The following NISCH variants were observed in gnomAD, a reference collection of about 807,000 sequenced individuals.
NISCH encodes the protein nischarin, also known as I-1 receptor candidate protein.
Under a neutral mutation model 138.4 loss-of-function variants are expected in NISCH, and 55 were observed. The ratio of observed to expected loss-of-function variants is 0.40; its 90% CI spans 0.32 to 0.50. NISCH has a LOEUF of 0.50. NISCH is among the 20% of genes least tolerant of loss of function. The probability of loss-of-function intolerance (pLI) is 0.71; values close to 1 mark genes in which losing one functional copy is unlikely to be tolerated. For synonymous variants in NISCH, 860 were observed against 861.5 expected (o/e 1.00, Z 0.03); for missense variants, 1,643 against 2,005.5 (o/e 0.82, Z 3.45).
chr3:52,481,562 A>G (rs778426004), intron 13 of NISCH: 11 of 985,452 alleles, frequency 1.1e-5, no homozygotes, highest in Non-Finnish European at 1.3e-5. Flanking sequence ...GTACCATATG[A>G]CTGTAGGCCT....
intron 3 of NISCH, among the ~76,000 whole-genome samples, chr3:52,464,402 A>G (rs1706721589): frequency 6.6e-6 from 1 of 151,134 alleles, no homozygotes; most frequent in African/African-American, 2.4e-5. Flanking sequence ...CTAAAAAAAC[A>G]AAAAAAACAA....
At chr3:52,490,337 C>T (rs1286299677) in intron 18 of NISCH, 106 bp downstream of exon 18, 40 of 1,310,912 alleles carry the variant, frequency 3.1e-5, no homozygotes, top group Middle Eastern at 2.6e-4. Context: ...CAGCAGTCAG[C>T]GACTTGGCTG....
intron 13 of NISCH, 51 bp from the exon 14 acceptor site, chr3:52,484,462 T>TTGGCGCCCCCC: frequency 2.5e-6 from 2 of 788,670 alleles, no homozygotes; most frequent in Non-Finnish European, 3.7e-6. Flanking sequence ...ACAGCCGCTC[T>TTGGCGCCCCCC]CCCCGCCCCA....
rs1225692425 is a variant in NISCH, at chr3:52,489,553, C to T, written c.3331C>T (p.Leu1111Phe). The T allele has an allele frequency of 6.2e-7, 1 of 1,613,278 alleles. No individual in the cohort carries two copies. Residue 1111 changes from leucine (L) to phenylalanine (F), a missense_variant, in exon 17 of 21, where the codon CTC becomes TTC. By Grantham distance (22) the Leu-to-Phe change is conservative (BLOSUM62 0). Transcript: ENST00000345716. ...CCCTGCCCAGTACCCGAGTGAGCAC[C>T]TCATCCAGGCCACCTCGGAGGAGAA... ...EAPAQYPSEH[L>F]IQATSEENQI...
In NISCH at chr3:52,487,710, G is replaced by A. The variant is rs757992102; in HGVS notation, c.2218G>A (p.Glu740Lys). 13 of 1,613,520 alleles carry A rather than the reference G, an allele frequency of 8.1e-6. No homozygotes were observed. Among genetic ancestry groups the A allele is most frequent in the Admixed American group, 1.7e-5 (1 of 59,978 alleles). Residue 740 changes from glutamate (E) to lysine (K), a missense_variant, in exon 16 of 21, where the codon GAG (glutamate) becomes AAG (lysine). By Grantham distance (56) the Glu-to-Lys change is moderately conservative (BLOSUM62 1). Transcript: ENST00000345716. This position sits in a 1 kb window ranked among gnomAD's most constrained non-coding sequence, Gnocchi z 9.1. ...CACCGACTTCGGCATCGCAGTCTTC[G>A]AGATCCCGCACCAGGAGTCTCGGGG... ...VLTDFGIAVF[E>K]IPHQESRGSS...
rs1233936985 is a variant in NISCH at position 52,485,644 on chromosome 3, G to A, written c.1654-134G>A. ...CCAGGGTCCCAGAGTGGGCTCCAGG[G>A]TACAGCGTGGGGATGGGGAGCCTCC... is the stretch of plus-strand genomic sequence containing the variant. On this transcript the variant is annotated intron_variant, in intron 14 of 20. Transcript: ENST00000345716. 3 of 967,022 alleles carry A rather than the reference G, an allele frequency of 3.1e-6. No homozygotes were observed. In the Admixed American group the frequency reaches 6.3e-5, roughly 20 times the overall value. 59.9% of individuals were successfully genotyped at this position (967,022 alleles called of 1,614,324 possible).
chr3:52,484,411 C>T (rs1399813845), intron 13 of NISCH, 102 bp from the exon 14 acceptor site: 13 of 1,171,612 alleles, frequency 1.1e-5, no homozygotes, highest in Middle Eastern at 2.9e-4. Flanking sequence ...GGCTAACCCC[C>T]GCCATGCCAG....
chr3:52,476,385 G>A (rs1402634270), intron 7 of NISCH, 62 bp from the exon 8 acceptor site: 1 of 1,582,486 alleles, frequency 6.3e-7, no homozygotes, highest in East Asian at 2.2e-5. Context: ...CAACGACTGT[G>A]TTCCCAGTGA....
intron 7 of NISCH, among the ~76,000 whole-genome samples, chr3:52,474,458 A>G (rs11928763): frequency 0.96 from 145,228 of 151,460 alleles, 69,669 homozygotes; most frequent in African/African-American, 0.99. Flanking sequence ...CACCACACCC[A>G]GCTAATTTTT....
chr3:52,484,462 T>TTGGCCCGCCCC, intron 13 of NISCH, 51 bp from the exon 14 acceptor site: 1 of 788,670 alleles, frequency 1.3e-6, no homozygotes, highest in Non-Finnish European at 1.8e-6. Flanking sequence ...ACAGCCGCTC[T>TTGGCCCGCCCC]CCCCGCCCCA....
chr3:52,465,142 T>G (rs527651040), intron 3 of NISCH, among the ~76,000 whole-genome samples: 2 of 152,332 alleles, frequency 1.3e-5, no homozygotes, highest in East Asian at 1.9e-4. Flanking sequence ...ATTTTGTTTG[T>G]TTTTTGAGAC....
Position 52,491,388 on chromosome 3 carries a change from G to A in NISCH, c.3779G>A (p.Arg1260Gln). 3.1e-6 allele frequency: 5 copies of A among 1,613,086 alleles called. No homozygotes were observed. The highest frequency in any genetic ancestry group is 3.3e-5 in the Admixed American group (2 of 59,990). ...TPMQVVTCLT[R>Q]DSYLTHCFLQ... Reference sequence around the variant, plus strand: ...ATGCAGGTGGTCACGTGCTTGACGCGGGACAGCTACCTGACGCACTGCTTC... The same window carrying A: ...ATGCAGGTGGTCACGTGCTTGACGCAGGACAGCTACCTGACGCACTGCTTC... The change falls in exon 20 of 21, where the codon CGG (arginine) becomes CAG (glutamine). Residue 1260 changes from arginine to glutamine, a missense_variant. Physicochemically the swap from Arg to Gln is conservative, Grantham distance 43. Transcript: ENST00000345716.
At chr3:52,476,284 C>T (rs1044162436) in intron 7 of NISCH, 163 bp from the exon 8 acceptor site, 1 of 714,218 alleles carries the variant, frequency 1.4e-6, no homozygotes, top group African/African-American at 1.8e-5. Flanking sequence ...AACGATTTCA[C>T]AATCGTTTAA....
At chr3:52,457,746 A>T in intron 1 of NISCH, 97 bp from the exon 2 acceptor site, 2 of 937,842 alleles carry the variant, frequency 2.1e-6, no homozygotes, top group Non-Finnish European at 3.5e-6. Flanking sequence ...CTGATAAAAG[A>T]TAATTGGGAA....
rs921592860 is a variant in NISCH, at chr3:52,480,529, C to T, written c.1528+234C>T. ...CTCCCAATTGCTCTGATGCCCACAT[C>T]CAGCTCCTCTAGGAGACCGCAGGGT... On this transcript the variant is annotated intron_variant, in intron 13 of 20. Transcript: ENST00000345716. 28 of 1,500,190 alleles carry T rather than the reference C, an allele frequency of 1.9e-5. No homozygotes were observed. In the African/African-American group the frequency reaches 3.6e-4, roughly 19 times the overall value. The allele number at this position is 1,500,190 out of a possible 1,614,324, so 92.9% of individuals were successfully genotyped here. A position where few individuals can be genotyped will look rare whatever the true frequency, so the allele number is the denominator to read the frequency against.
chr3:52,492,575 T>TTAAGGTACCCAAA lies in NISCH; in HGVS notation c.*94_*95insAAGGTACCCAAAT. 3 of 1,379,588 alleles carry TTAAGGTACCCAAA rather than the reference T, an allele frequency of 2.2e-6. No homozygotes were observed. Among genetic ancestry groups the TTAAGGTACCCAAA allele is most frequent in the Non-Finnish European group, 2.9e-6 (3 of 1,043,356 alleles). 85.5% of individuals were successfully genotyped at this position (1,379,588 alleles called of 1,614,324 possible). ...TTCTCTAAAAATGTTTTATCCTCCCTTTGGTACCTTAATTTGACTGTCCTC... is the reference window on the plus strand; with the variant it reads ...TTCTCTAAAAATGTTTTATCCTCCCTTAAGGTACCCAAATTGGTACCTTAATTTGACTGTCCTC... On this transcript the variant is annotated 3_prime_UTR_variant, in exon 21 of 21. Coordinates refer to ENST00000345716, the MANE Select transcript of NISCH (RefSeq NM_007184.4).
intron 3 of NISCH, among the ~76,000 whole-genome samples, chr3:52,466,099 A>G (rs1289309952): frequency 1.3e-5 from 2 of 152,212 alleles, no homozygotes; most frequent in African/African-American, 4.8e-5. Context: ...TTTTAGTTGC[A>G]AAGTACTGAG....
chr3:52,484,286 A>G lies in NISCH; in HGVS notation c.1529-227A>G, dbSNP rs957050371. 1.3e-4 allele frequency: 64 copies of G among 488,778 alleles called. 1 individual carries two copies. Among genetic ancestry groups the G allele is most frequent in the Non-Finnish European group, 1.3e-4 (36 of 272,998 alleles). 30.3% of individuals were successfully genotyped at this position (488,778 alleles called of 1,614,324 possible). A position where few individuals can be genotyped will look rare whatever the true frequency, so the allele number is the denominator to read the frequency against. The stretch of plus-strand genomic sequence containing the variant: ...TTTTTCCATTGCATTTATTCTCAGA[A>G]TGCTTCTCCCTGCCCTGAGATTAGA... On this transcript the variant is annotated intron_variant, in intron 13 of 20. Transcript: ENST00000345716.
At chr3:52,471,694 C>T in intron 4 of NISCH, 120 bp from the exon 5 acceptor site, 1 of 1,234,968 alleles carries the variant, frequency 8.1e-7, no homozygotes, top group Non-Finnish European at 1.2e-6. Flanking sequence ...AGGGCGCTGG[C>T]TTTGCCCTGA....
Sources: allele counts gnomAD v4.1 joint callset (sites outside exome capture counted in the v4.1 genomes callset), GRCh38; gene constraint gnomAD v4.1.1; non-coding constraint Gnocchi (gnomAD v3.1); transcripts MANE v1.5; gene names NCBI Gene and HGNC (gene_info 2026-07-23, HGNC 2026-07-21).